SRCIN1: variants seen among roughly 807,000 people sequenced by gnomAD.
The protein encoded by SRCIN1 is P130Cas-associated protein.
SRCIN1 carries 50 observed loss-of-function variants against 116.2 expected under a neutral mutation model. The ratio of observed to expected loss-of-function variants is 0.43; its 90% confidence interval spans 0.34 to 0.54. The LOEUF is 0.54. Ranked by LOEUF, SRCIN1 falls within the 20% of genes least tolerant of loss-of-function variation. The pLI, the probability that SRCIN1 is intolerant of heterozygous loss-of-function variation, is 0.02. For missense variants in SRCIN1, 1,446 were observed against 1,672.0 expected, an observed-to-expected ratio of 0.86 and a Z score of 2.36; for synonymous variants, 736 against 750.0, an observed-to-expected ratio of 0.98 and a Z score of 0.30.
chr17:38,543,940 C>T lies in SRCIN1; in HGVS notation c.3300G>A (p.Lys1100=). The T allele has an allele frequency of 1.9e-6, 3 of 1,593,512 alleles. No homozygotes were observed. The highest frequency in any genetic ancestry group is 1.1e-5 in the South Asian group (1 of 89,516). Residue 1100 remains lysine, a synonymous_variant, in exon 18 of 19, where the codon AAG becomes AAA. Transcript: ENST00000617146. The part of the protein sequence containing the change: ...ESGGGSVPPM[K]VVTPGASRLK... ...GCCGAGAGGCCCCCGGAGTCACCAC[C>T]TTCATGGGTGGTACACTGCCTCCGC... is the stretch of plus-strand genomic sequence containing the variant.
In SRCIN1 at chr17:38,582,515, G is replaced by A. The variant is rs190065414; in HGVS notation, c.23-3724C>T. Among the ~76,000 whole-genome samples, 11 of 152,340 alleles carry A rather than the reference G, an allele frequency of 7.2e-5. No individual in the cohort carries two copies. The East Asian group carries it at 2.1e-3, about 29-fold the overall frequency. ...CAGCCTGCACAGACAGGGAAGCAGG[G>A]ACTACCCCTCACTGCCTCCTCCAGG... is the stretch of plus-strand genomic sequence containing the variant. On this transcript the variant is annotated intron_variant, in intron 1 of 18. Transcript: ENST00000617146.
chr17:38,561,425 C>A, intron 7 of SRCIN1, 38 bp downstream of exon 7: 1 of 1,467,046 alleles, frequency 6.8e-7, no homozygotes, highest in South Asian at 1.4e-5. Flanking sequence ...AGCGCACCCC[C>A]CACCCCCAGT....
Position 38,562,949 on chromosome 17 carries a change from C to T in SRCIN1, c.741-29G>A. ...GGAGAGGCGGGGAGACGGGGGTCAC[C>T]ACCCATCCCCCAGCTGTGCACAATG... On this transcript the variant is annotated intron_variant, in intron 5 of 18. Transcript: ENST00000617146. This position sits in a 1 kb window ranked among gnomAD's most constrained non-coding sequence, Gnocchi z 4.2. 6.4e-7 allele frequency: 1 copy of T among 1,556,704 alleles called. No homozygotes were observed. Among genetic ancestry groups the T allele is most frequent in the Non-Finnish European group, 8.8e-7 (1 of 1,131,168 alleles).
rs1436308398 is a variant in SRCIN1, at chr17:38,572,602, TC to T, written c.325-4372del. The T allele has an allele frequency of 1.3e-5, 2 of 150,696 alleles. No homozygotes were observed. The highest frequency in any genetic ancestry group is 3.0e-5 in the Non-Finnish European group (2 of 67,634). The allele number at this position is 150,696 out of a possible 1,614,324, so 9.3% of individuals were successfully genotyped here. A position where few individuals can be genotyped will look rare whatever the true frequency, so the allele number is the denominator to read the frequency against. On this transcript the variant is annotated intron_variant, in intron 2 of 18. Transcript: ENST00000617146. This position sits in a 1 kb window ranked among gnomAD's most constrained non-coding sequence, Gnocchi z 4.3. Reference sequence around the variant, plus strand: ...CGGTGCCGCGGAGCGGGCCCCCATCTCCGTGTCCCCGCCCCCCGCCCAACCC... The same window carrying T: ...CGGTGCCGCGGAGCGGGCCCCCATCTCGTGTCCCCGCCCCCCGCCCAACCC...
intron 18 of SRCIN1, among the ~76,000 whole-genome samples, chr17:38,538,642 C>T (rs894207131): frequency 1.3e-5 from 2 of 152,070 alleles, no homozygotes; most frequent in Non-Finnish European, 2.9e-5. Context: ...CACTGATACA[C>T]GTGAGGCCCA....
At position 38,558,926 on chromosome 17, in the gene SRCIN1, T is replaced by G; in HGVS notation, c.2026-524A>C. 5.6e-6 allele frequency: 1 copy of G among 178,422 alleles called. No homozygotes were observed. The allele number at this position is 178,422 out of a possible 1,614,324, so 11.1% of individuals were successfully genotyped here. On this transcript the variant is annotated intron_variant, in intron 10 of 18. Coordinates refer to ENST00000617146, the MANE Select transcript of SRCIN1 (RefSeq NM_025248.3). This position sits in a 1 kb window ranked among gnomAD's most constrained non-coding sequence, Gnocchi z 4.6. ...GCGCTGGCATTTGATAGAGCTTCTA[T>G]GGCTGGGACAGGAAGACTAAGTTGA... is the stretch of plus-strand genomic sequence containing the variant.
intron 18 of SRCIN1, among the ~76,000 whole-genome samples, chr17:38,534,138 G>C (rs939117464): frequency 6.6e-6 from 1 of 152,150 alleles, no homozygotes; most frequent in Non-Finnish European, 1.5e-5. Flanking sequence ...GTCAGTTCTA[G>C]TGGTCAGAAC....
At chr17:38,577,848 G>A (rs937034971) in intron 2 of SRCIN1, among the ~76,000 whole-genome samples, 3 of 152,150 alleles carry the variant, frequency 2.0e-5, no homozygotes, top group African/African-American at 7.2e-5. Flanking sequence ...AGACACAGGC[G>A]CTGTGTCTCC....
At chr17:38,534,868 C>T (rs903997512) in intron 18 of SRCIN1, among the ~76,000 whole-genome samples, 3 of 152,184 alleles carry the variant, frequency 2.0e-5, no homozygotes, top group Admixed American at 6.5e-5. Context: ...TGGCTCACAC[C>T]TGTAATCCCA....
intron 18 of SRCIN1, chr17:38,542,334 C>A (rs1417951670): frequency 6.5e-6 from 1 of 152,960 alleles, no homozygotes; most frequent in Non-Finnish European, 1.5e-5. Flanking sequence ...TCCTGCCCCC[C>A]ACTTGCTAGC....
rs1909218578 is a variant in SRCIN1, at chr17:38,604,119, T to TA, written c.22+1564dup. On this transcript the variant is annotated intron_variant, in intron 1 of 18. Coordinates refer to ENST00000617146, the MANE Select transcript of SRCIN1 (RefSeq NM_025248.3). The surrounding 1 kb of genome is among the most constrained non-coding windows in gnomAD (Gnocchi z 4.3). Reference sequence around the variant, plus strand: ...AATAAGAGAAACTGAGGCAAGGAATTAGACAGCAAAGCAGTTGGCTCAAGG... The same window carrying TA: ...AATAAGAGAAACTGAGGCAAGGAATTAAGACAGCAAAGCAGTTGGCTCAAGG... Among the ~76,000 whole-genome samples, 1 of 152,082 alleles carries TA rather than the reference T, an allele frequency of 6.6e-6. No individual in the cohort carries two copies. The highest frequency in any genetic ancestry group is 6.6e-5 in the Admixed American group (1 of 15,266).
chr17:38,555,464 C>G lies in SRCIN1; in HGVS notation c.2202-2609G>C, dbSNP rs137918468. On this transcript the variant is annotated intron_variant, in intron 11 of 18. Transcript: ENST00000617146. ...AGAAGAGCCACCCGCCTAACCCACC[C>G]AATACTGTTCCATGAGAAAGATATG... Among the ~76,000 whole-genome samples, 500 of 152,262 alleles carry G rather than the reference C, an allele frequency of 3.3e-3. 5 individuals carry two copies. Among genetic ancestry groups the G allele is most frequent in the African/African-American group, 0.011 (471 of 41,542 alleles).
At chr17:38,596,219 G>A (rs564232721) in intron 1 of SRCIN1, among the ~76,000 whole-genome samples, 2 of 152,318 alleles carry the variant, frequency 1.3e-5, no homozygotes, top group Admixed American at 1.3e-4. Context: ...GGGGGCCGGG[G>A]CAGGGGCTCC....
intron 1 of SRCIN1, among the ~76,000 whole-genome samples, chr17:38,592,311 G>A (rs966649563): frequency 2.0e-5 from 3 of 152,100 alleles, no homozygotes; most frequent in Non-Finnish European, 4.4e-5. Flanking sequence ...GGGCTGTGCT[G>A]GGGTGAGGGG....
intron 18 of SRCIN1, among the ~76,000 whole-genome samples, chr17:38,537,906 C>A (rs1904490711): frequency 6.6e-6 from 1 of 151,412 alleles, no homozygotes; most frequent in Non-Finnish European, 1.5e-5. Context: ...TCAAGGCCAG[C>A]CTGGCCAACA....
In SRCIN1 at chr17:38,562,254, C is replaced by T. The variant is rs1597904552; in HGVS notation, c.909G>A (p.Leu303=). 1.4e-6 allele frequency: 2 copies of T among 1,467,462 alleles called. No individual in the cohort carries two copies. The highest frequency in any genetic ancestry group is 6.0e-5 in the East Asian group (2 of 33,606). 90.9% of individuals were successfully genotyped at this position (1,467,462 alleles called of 1,614,324 possible). ...GCCCGGGCGGCGGCGAGCCGGATGC[C>T]AGGTGCGGCGCTGGTGACAGGTTGT... ...RLNNLSPAPH[L]ASGSPPPGLP... Residue 303 remains leucine, a synonymous_variant, in exon 7 of 19, where the codon CTG becomes CTA. Transcript: ENST00000617146. The surrounding 1 kb of genome is among the most constrained non-coding windows in gnomAD (Gnocchi z 4.2).
chr17:38,551,193 G>T lies in SRCIN1; in HGVS notation c.2924C>A (p.Ala975Glu). The T allele has an allele frequency of 6.3e-7, 1 of 1,591,888 alleles. No homozygotes were observed. Among genetic ancestry groups the T allele is most frequent in the Non-Finnish European group, 8.6e-7 (1 of 1,166,520 alleles). ...KPPKAPHGQK[A>E]APRTEPSGRR... ...CCCACTGGGCTCCGTTCGGGGGGCT[G>T]CCTTCTGGCCGTGGGGGGCCTTGGG... The change falls in exon 15 of 19, where the codon GCA becomes GAA. Residue 975 changes from alanine to glutamate, a missense_variant. Physicochemically the swap from Ala to Glu is moderately radical, Grantham distance 107. Around this residue, in one of 5 missense-constraint regions of SRCIN1, gnomAD observed 531 missense variants for 633.9 expected, o/e 0.84. Transcript: ENST00000617146.
rs1408110336 is a variant in SRCIN1, at chr17:38,561,853, G to T, written c.1310C>A (p.Thr437Asn). ...YKRGSVRSLS[T>N]YSAAALQSDL... The stretch of plus-strand genomic sequence containing the variant: ...GGACTGCAGCGCGGCGGCCGAGTAG[G>T]TGCTGAGCGAGCGCACCGAGCCGCG... Residue 437 changes from threonine (T) to asparagine (N), a missense_variant, in exon 7 of 19, where the codon ACC becomes AAC. Coordinates refer to ENST00000617146, the MANE Select transcript of SRCIN1 (RefSeq NM_025248.3). 1 of 1,468,912 alleles carries T rather than the reference G, an allele frequency of 6.8e-7. No individual in the cohort carries two copies. Among genetic ancestry groups the T allele is most frequent in the African/African-American group, 1.5e-5 (1 of 67,154 alleles). The allele number at this position is 1,468,912 out of a possible 1,614,324, so 91.0% of individuals were successfully genotyped here.
intron 2 of SRCIN1, chr17:38,574,974 C>T: frequency 2.5e-6 from 1 of 401,024 alleles, no homozygotes; most frequent in East Asian, 3.6e-5. Context: ...CAGCCGCCAA[C>T]CTGTGTGTGC....
Sources: gnomAD v4.1 joint callset for allele counts (sites outside exome capture counted in the v4.1 genomes callset) on GRCh38, gnomAD v4.1.1 for gene constraint, gnomAD v4.1.1 regional missense constraint, Gnocchi (gnomAD v3.1) non-coding constraint, MANE v1.5 for transcripts, NCBI Gene and HGNC (gene_info 2026-07-23, HGNC 2026-07-21) for gene names.